Variants in SIL1 observed in about 807,000 individuals in gnomAD.
SIL1 encodes SIL1 nucleotide exchange factor.
A neutral mutation model predicts 49.1 loss-of-function variants in SIL1; 40 were observed. The ratio of observed to expected loss-of-function variants is 0.81; its 90% CI spans 0.63 to 1.06. The LOEUF (loss-of-function observed/expected upper bound fraction) is 1.06. Among genes scored for constraint, SIL1 ranks in the 50% least tolerant of loss-of-function variants. SIL1 has a pLI of 0.00. For missense variants in SIL1, 500 were observed against 572.6 expected (o/e 0.87, Z 1.29); for synonymous variants, 253 against 250.8 (o/e 1.01, Z -0.08).
chr5:139,086,576 C>T (rs1013417682), intron 3 of SIL1, among the ~76,000 whole-genome samples: 123 of 151,222 alleles, frequency 8.1e-4, no homozygotes, highest in Non-Finnish European at 3.7e-4. Context: ...AGGCTGGTCT[C>T]GAAATCCTAA....
chr5:139,080,156 G>A (rs1770041755), intron 3 of SIL1, among the ~76,000 whole-genome samples: 1 of 152,156 alleles, frequency 6.6e-6, no homozygotes, highest in Non-Finnish European at 1.5e-5. Flanking sequence ...CATAAAACTT[G>A]CTGGATACAG....
chr5:138,951,299 G>A lies in SIL1; in HGVS notation c.901C>T (p.Pro301Ser), dbSNP rs1175500644. 4 of 1,564,496 alleles carry A rather than the reference G, an allele frequency of 2.6e-6. No homozygotes were observed. The African/African-American group carries it at 5.4e-5, about 21-fold the overall frequency. ...TTCAGGAACTGCCGCTGGGCATAGG[G>A]GAAGTGGCGCAGCAGGGAGCACAGT... ...FALCSLLRHF[P>S]YAQRQFLKLG... Residue 301 changes from proline to serine, a missense_variant, in exon 9 of 10, where the codon CCC becomes TCC. Physicochemically the swap from Pro to Ser is moderately conservative, Grantham distance 74. Transcript: ENST00000394817.
chr5:139,141,288 A>G (rs1313513961), intron 1 of SIL1, among the ~76,000 whole-genome samples: 14 of 152,192 alleles, frequency 9.2e-5, no homozygotes, highest in Admixed American at 6.5e-4. Context: ...ACCATTTGGA[A>G]GAGTACAATG....
intron 1 of SIL1, among the ~76,000 whole-genome samples, chr5:139,142,817 G>A (rs1036706160): frequency 1.3e-5 from 2 of 151,792 alleles, no homozygotes; most frequent in African/African-American, 2.4e-5. Flanking sequence ...TGCCCAGGCT[G>A]GAGTGCAGTG....
intron 1 of SIL1, among the ~76,000 whole-genome samples, chr5:139,134,074 G>C (rs1039991965): frequency 6.6e-6 from 1 of 152,078 alleles, no homozygotes; most frequent in East Asian, 1.9e-4. Context: ...GGAAGTACTG[G>C]GTACAGCACC....
chr5:138,987,473 A>G (rs1339854508), intron 7 of SIL1, among the ~76,000 whole-genome samples: 1 of 152,180 alleles, frequency 6.6e-6, no homozygotes, highest in East Asian at 1.9e-4. Context: ...ATTTTGCATT[A>G]CCTATTCATG....
chr5:139,127,954 T>C lies in SIL1; in HGVS notation c.-10-101A>G, dbSNP rs747381740. On this transcript the variant is annotated intron_variant, in intron 1 of 9. Coordinates refer to ENST00000394817, the MANE Select transcript of SIL1 (RefSeq NM_022464.5). ...TCGTCACTTGCTCACATGTCAGACA[T>C]TTCCTGCATAGAGGTATAACGAGTC... The C allele has an allele frequency of 1.7e-5, 13 of 757,802 alleles. No homozygotes were observed. The South Asian group carries it at 1.9e-4, about 11-fold the overall frequency. 46.9% of individuals were successfully genotyped at this position (757,802 alleles called of 1,614,324 possible).
intron 4 of SIL1, among the ~76,000 whole-genome samples, chr5:139,044,055 C>T (rs1001156675): frequency 1.3e-5 from 2 of 152,182 alleles, no homozygotes; most frequent in African/African-American, 4.8e-5. Flanking sequence ...CCTTTTAGGG[C>T]TCTGAGAAGA....
chr5:139,016,661 C>T (rs1301639662), intron 7 of SIL1, among the ~76,000 whole-genome samples: 5 of 152,120 alleles, frequency 3.3e-5, no homozygotes, highest in Non-Finnish European at 4.4e-5. Context: ...GTAAAGTTCC[C>T]TAAGGAAAGT....
chr5:139,081,553 T>A (rs1031786265), intron 3 of SIL1, among the ~76,000 whole-genome samples: 1 of 152,186 alleles, frequency 6.6e-6, no homozygotes, highest in African/African-American at 2.4e-5. Flanking sequence ...CTGTCATGAA[T>A]GGAGCCTCCG....
chr5:139,045,206 A>G (rs571255039), intron 4 of SIL1, among the ~76,000 whole-genome samples: 4 of 151,908 alleles, frequency 2.6e-5, no homozygotes, highest in Admixed American at 1.3e-4. Context: ...AAAAATTGAA[A>G]ATTAGCCAGG....
chr5:139,159,593 C>CAA, intron 1 of SIL1, among the ~76,000 whole-genome samples: 1 of 152,092 alleles, frequency 6.6e-6, no homozygotes, highest in East Asian at 1.9e-4. Context: ...GTACCTCTTT[C>CAA]AAAGTTTCCA....
chr5:138,992,576 C>T (rs370750369), intron 7 of SIL1, among the ~76,000 whole-genome samples: 1 of 152,280 alleles, frequency 6.6e-6, no homozygotes, highest in Non-Finnish European at 1.5e-5. Flanking sequence ...GTATGCTATG[C>T]TCTTCTACAC....
intron 3 of SIL1, among the ~76,000 whole-genome samples, chr5:139,097,751 C>T (rs914233490): frequency 7.2e-5 from 11 of 152,102 alleles, no homozygotes; most frequent in Admixed American, 6.6e-4. Context: ...GCTGGGATTA[C>T]AGGAGAGAGC....
chr5:139,179,376 A>G (rs577380415), intron 1 of SIL1, among the ~76,000 whole-genome samples: 1 of 152,242 alleles, frequency 6.6e-6, no homozygotes, highest in South Asian at 2.1e-4. Context: ...TCCTTGGATG[A>G]AGCAGAGATG....
chr5:139,141,617 A>T (rs925440907), intron 1 of SIL1, among the ~76,000 whole-genome samples: 1 of 152,188 alleles, frequency 6.6e-6, no homozygotes, highest in Non-Finnish European at 1.5e-5. Context: ...TGATCACACC[A>T]CTGCACTCCA....
At chr5:139,066,975 T>C (rs1359163095) in intron 3 of SIL1, among the ~76,000 whole-genome samples, 2 of 152,198 alleles carry the variant, frequency 1.3e-5, no homozygotes, top group African/African-American at 4.8e-5. Flanking sequence ...TTATAATACT[T>C]GCCAAGTTTT....
chr5:139,116,316 C>CT (rs900571253), intron 3 of SIL1, among the ~76,000 whole-genome samples: 2 of 151,920 alleles, frequency 1.3e-5, no homozygotes, highest in African/African-American at 2.4e-5. Context: ...TTTTCTTTTT[C>CT]TTTTTTTTCC....
chr5:139,142,931 G>C (rs1276116788), intron 1 of SIL1, among the ~76,000 whole-genome samples: 3 of 151,952 alleles, frequency 2.0e-5, no homozygotes, highest in African/African-American at 7.3e-5. Flanking sequence ...ACCACGCCTG[G>C]CTAATTTTTT....
Sources: gnomAD v4.1 joint callset for allele counts (sites outside exome capture counted in the v4.1 genomes callset) on GRCh38, gnomAD v4.1.1 for gene constraint, MANE v1.5 for transcripts, NCBI Gene and HGNC (gene_info 2026-07-23, HGNC 2026-07-21) for gene names.